The following DGLUCY variants were observed in gnomAD, a reference collection of about 807,000 sequenced individuals.
The protein encoded by DGLUCY is D-glutamate cyclase, mitochondrial.
A neutral mutation model predicts 58.5 loss-of-function variants in DGLUCY; 58 were observed. The observed-to-expected ratio is 0.99, with a 90% CI of 0.80 to 1.23. The LOEUF (loss-of-function observed/expected upper bound fraction) is 1.23. Among genes scored for constraint, DGLUCY ranks in the 50% most tolerant of loss-of-function variants. DGLUCY has a pLI of 0.00. For synonymous variants in DGLUCY, 325 were observed against 314.1 expected, an observed-to-expected ratio of 1.03 and a Z score of -0.37; for missense variants, 779 against 784.7, an observed-to-expected ratio of 0.99 and a Z score of 0.09.
rs530494584 is a variant in DGLUCY, at chr14:91,194,457, C to T, written c.1196-1918C>T. 1.9e-3 allele frequency among the ~76,000 whole-genome samples: 281 copies of T among 151,866 alleles called. 3 individuals are homozygous for T. The highest frequency in any genetic ancestry group is 6.1e-3 in the African/African-American group (252 of 41,398). On this transcript the variant is annotated intron_variant, in intron 9 of 13. Transcript: ENST00000256324. ...TGTAGAATGTGTTCTGTGAGCATCA[C>T]GATGACTAACAGCTACTTGCCTTCC...
Position 91,160,377 on chromosome 14 carries a change from A to G in DGLUCY, c.83A>G (p.Asn28Ser), listed in dbSNP as rs1311381992. Reference protein sequence around the residue: ...LILQKKPNIRNTSSMAGELRP... With the variant: ...LILQKKPNIRSTSSMAGELRP... ...CTACAAAAGAAACCAAACATCAGAA[A>G]TACATCCAGCATGGCTGGAGGTAAG... Residue 28 changes from asparagine to serine, a missense_variant, in exon 3 of 14, where the codon AAT becomes AGT. By Grantham distance (46) the Asn-to-Ser change is conservative (BLOSUM62 1). Coordinates refer to ENST00000256324, the MANE Select transcript of DGLUCY (RefSeq NM_001102368.3). The G allele has an allele frequency of 1.9e-6, 3 of 1,610,100 alleles. No individual in the cohort carries two copies. The highest frequency in any genetic ancestry group is 1.3e-5 in the African/African-American group (1 of 74,724).
chr14:91,137,881 A>G (rs2046434446), intron 1 of DGLUCY, among the ~76,000 whole-genome samples: 1 of 152,034 alleles, frequency 6.6e-6, no homozygotes, highest in Admixed American at 6.6e-5. Context: ...GGAGACAGGA[A>G]AAGGTCAGTA....
At chr14:91,106,318 C>T (rs922681315), upstream of DGLUCY, among the ~76,000 whole-genome samples, 2 of 151,394 alleles carry the variant, frequency 1.3e-5, no homozygotes, top group African/African-American at 4.9e-5. Context: ...CTACCCCCCC[C>T]CAAAAAACTT....
At chr14:91,171,685 T>A (rs1485561823) in intron 5 of DGLUCY, among the ~76,000 whole-genome samples, 1 of 152,216 alleles carries the variant, frequency 6.6e-6, no homozygotes, top group African/African-American at 2.4e-5. Context: ...TGGATTATAG[T>A]CCTGGCCATG....
intron 1 of DGLUCY, among the ~76,000 whole-genome samples, chr14:91,099,260 C>T (rs920050409): frequency 6.6e-6 from 1 of 152,132 alleles, no homozygotes; most frequent in Non-Finnish European, 1.5e-5. Flanking sequence ...TGGCCAGGCA[C>T]GGTGACTCAT....
chr14:91,147,520 T>A (rs1008572648), intron 1 of DGLUCY, among the ~76,000 whole-genome samples: 1 of 152,178 alleles, frequency 6.6e-6, no homozygotes, highest in African/African-American at 2.4e-5. Flanking sequence ...AGCACTTACA[T>A]AACCATCTCT....
At chr14:91,105,098 C>G (rs1037048284), upstream of DGLUCY, among the ~76,000 whole-genome samples, 1 of 152,090 alleles carries the variant, frequency 6.6e-6, no homozygotes, top group Non-Finnish European at 1.5e-5. Context: ...GAGGATCACA[C>G]GAGGTCAAGA....
At chr14:91,222,789 C>A (rs913685576) in intron 13 of DGLUCY, among the ~76,000 whole-genome samples, 3 of 152,192 alleles carry the variant, frequency 2.0e-5, no homozygotes, top group Admixed American at 2.0e-4. Flanking sequence ...TTTTAAAAAA[C>A]AACTATAGAC....
At position 91,215,497 on chromosome 14, in the gene DGLUCY, G is replaced by A. The variant is rs1438768622; in HGVS notation, c.1657G>A (p.Gly553Arg). The A allele has an allele frequency of 9.9e-6, 16 of 1,614,084 alleles. No homozygotes were observed. The highest frequency in any genetic ancestry group is 4.4e-5 in the South Asian group (4 of 91,090). The change falls in exon 13 of 14, where the codon GGA becomes AGA. Residue 553 changes from glycine (G) to arginine (R), a missense_variant. Gly to Arg is a moderately radical substitution (Grantham distance 125, BLOSUM62 -2). Coordinates refer to ENST00000256324, the MANE Select transcript of DGLUCY (RefSeq NM_001102368.3). ...CAGTCAGTACCTGAGGAAAGCAGTC[G>A]GACCCTCCAGGGCACCTGGAGATCA... is the stretch of plus-strand genomic sequence containing the variant. ...VHSQYLRKAVGPSRAPGDQAW... is the reference protein window; with the variant it reads ...VHSQYLRKAVRPSRAPGDQAW...
At position 91,181,249 on chromosome 14, in the gene DGLUCY, A is replaced by G. The variant is rs779802230; in HGVS notation, c.794A>G (p.Lys265Arg). 2 of 1,614,028 alleles carry G rather than the reference A, an allele frequency of 1.2e-6. No homozygotes were observed. The highest frequency in any genetic ancestry group is 4.5e-5 in the East Asian group (2 of 44,884). Residue 265 changes from lysine to arginine, a missense_variant, in exon 8 of 14, where the codon AAG (lysine) becomes AGG (arginine). Lys to Arg is a conservative substitution (Grantham distance 26). Coordinates refer to ENST00000256324, the MANE Select transcript of DGLUCY (RefSeq NM_001102368.3). Reference sequence around the variant, plus strand: ...GTTATGACTGACCTGAAGGATGCAAAGGCTCCACCTGGTTGTCTCACCCCA... The same window carrying G: ...GTTATGACTGACCTGAAGGATGCAAGGGCTCCACCTGGTTGTCTCACCCCA... ...CTVMTDLKDAKAPPGCLTPER... is the reference protein window; with the variant it reads ...CTVMTDLKDARAPPGCLTPER...
intron 13 of DGLUCY, chr14:91,220,406 CCTT>C (rs1374016749): frequency 6.8e-6 from 3 of 440,614 alleles, no homozygotes; most frequent in East Asian, 7.1e-5. Context: ...TCATCATCAT[CCTT>C]CTTATCATGA....
intron 13 of DGLUCY, among the ~76,000 whole-genome samples, chr14:91,217,280 G>A (rs1366936411): frequency 2.0e-5 from 3 of 152,184 alleles, no homozygotes; most frequent in East Asian, 1.9e-4. Flanking sequence ...GATTAGAGGT[G>A]GGTGCCGAAG....
At chr14:91,205,890 G>T (rs1196462557) in intron 12 of DGLUCY, among the ~76,000 whole-genome samples, 2 of 135,446 alleles carry the variant, frequency 1.5e-5, no homozygotes, top group African/African-American at 5.6e-5. Context: ...GCCCAGGCTG[G>T]AGTGCAGTAG....
chr14:91,213,618 G>A (rs8003030), intron 12 of DGLUCY, among the ~76,000 whole-genome samples: 152,237 of 152,268 alleles, frequency 1, 76,103 homozygotes, highest in Non-Finnish European at 1. Context: ...TATTTTTATC[G>A]TATGGTCTTT....
chr14:91,173,461 C>T, intron 6 of DGLUCY, 22 bp downstream of exon 6: 1 of 1,572,288 alleles, frequency 6.4e-7, no homozygotes. Flanking sequence ...TCGCTCCTGC[C>T]CATGATCTTC....
At chr14:91,108,522 TGTGTGA>T (rs1284745521) in intron 1 of DGLUCY, among the ~76,000 whole-genome samples, 131 of 73,912 alleles carry the variant, frequency 1.8e-3, no homozygotes, top group African/African-American at 4.2e-3. Context: ...TGTGTGTGTG[TGTGTGA>T]GAGAGAGAGA....
rs547828001 is a variant in DGLUCY at position 91,063,780 on chromosome 14, A to G, written c.-82+3076A>G. On this transcript the variant is annotated intron_variant, in intron 1 of 4. Transcript: ENST00000521334. ...GGTCAGGAAGTATGTGGTTGCTCTT[A>G]TTAATATTTTTGGACTTTATCCTGT... is the stretch of plus-strand genomic sequence containing the variant. 5.9e-5 allele frequency among the ~76,000 whole-genome samples: 9 copies of G among 152,336 alleles called. No individual in the cohort carries two copies. In the South Asian group the frequency reaches 6.2e-4, roughly 11 times the overall value.
At chr14:91,181,503 T>C in intron 8 of DGLUCY, 114 bp downstream of exon 8, 1 of 1,078,336 alleles carries the variant, frequency 9.3e-7, no homozygotes, top group Non-Finnish European at 1.3e-6. Context: ...ATCCACAGGA[T>C]GATTTTTTAA....
chr14:91,171,980 A>G (rs1391112450), intron 5 of DGLUCY, among the ~76,000 whole-genome samples: 1 of 152,214 alleles, frequency 6.6e-6, no homozygotes, highest in African/African-American at 2.4e-5. Flanking sequence ...TGCAGTCCCT[A>G]GAGAAATTCA....
Sources: allele counts gnomAD v4.1 joint callset (sites outside exome capture counted in the v4.1 genomes callset), GRCh38; gene constraint gnomAD v4.1.1; transcripts MANE v1.5; gene names NCBI Gene and HGNC (gene_info 2026-07-23, HGNC 2026-07-21).